Variants in MYO18B observed in about 807,000 individuals in gnomAD.
MYO18B encodes unconventional myosin-XVIIIb.
Under a neutral mutation model 273.0 loss-of-function variants are expected in MYO18B, and 204 were observed. The ratio of observed to expected loss-of-function variants is 0.75; its 90% CI spans 0.67 to 0.84. MYO18B has a LOEUF of 0.84. MYO18B is among the 40% of genes least tolerant of loss of function. The pLI is 0.00. For missense variants in MYO18B, 3,212 were observed against 3,287.6 expected (o/e 0.98, Z 0.56); for synonymous variants, 1,330 against 1,305.7 (o/e 1.02, Z -0.40).
intron 25 of MYO18B, among the ~76,000 whole-genome samples, chr22:25,887,072 G>A (rs1223945842): frequency 6.6e-6 from 1 of 152,214 alleles, no homozygotes; most frequent in East Asian, 1.9e-4. Flanking sequence ...AGAGCAAAAA[G>A]TTGCTGTTTC....
intron 38 of MYO18B, 98 bp from the exon 39 acceptor site, chr22:25,955,081 A>T: frequency 7.9e-7 from 1 of 1,270,066 alleles, no homozygotes; most frequent in South Asian, 1.6e-5. Flanking sequence ...TTATGAAAAC[A>T]CAGGAAACTC....
chr22:25,947,487 TACACACACACACACAC>T (rs57844236), intron 35 of MYO18B, among the ~76,000 whole-genome samples: 195 of 110,674 alleles, frequency 1.8e-3, no homozygotes, highest in Middle Eastern at 4.7e-3. Flanking sequence ...TAATGCCTAA[TACACACACACACACAC>T]ACACACACAC....
intron 42 of MYO18B, among the ~76,000 whole-genome samples, chr22:26,005,626 G>A (rs1285280149): frequency 6.6e-6 from 1 of 152,148 alleles, no homozygotes; most frequent in Non-Finnish European, 1.5e-5. Flanking sequence ...ATGGCCATAA[G>A]TCAGAAATTA....
intron 39 of MYO18B, among the ~76,000 whole-genome samples, chr22:25,960,633 A>G (rs2092908074): frequency 6.6e-6 from 1 of 152,184 alleles, no homozygotes; most frequent in African/African-American, 2.4e-5. Flanking sequence ...TCGCTCACAT[A>G]GCTTAATGGT....
intron 40 of MYO18B, among the ~76,000 whole-genome samples, chr22:26,000,269 C>T (rs1219939096): frequency 6.6e-6 from 1 of 152,146 alleles, no homozygotes; most frequent in Admixed American, 6.5e-5. Flanking sequence ...TTTTTTATAC[C>T]AAAGCTAACT....
rs374022936 is a variant in MYO18B at position 25,843,856 on chromosome 22, G to A, written c.3330G>A (p.Ser1110=). The part of the protein sequence containing the change: ...GWLHRAKPNL[S]ALDAPQVLHQ... ...TCCACAGAGCCAAGCCCAACCTCTC[G>A]GCCCTGGATGCACCCCAGGTCCTGC... Residue 1110 remains serine (S), a synonymous_variant, in exon 18 of 44, where the codon TCG becomes TCA. Transcript: ENST00000335473. The A allele has an allele frequency of 3.2e-5, 52 of 1,612,630 alleles. No individual in the cohort carries two copies. The African/African-American group carries it at 4.7e-4, about 14-fold the overall frequency.
chr22:25,835,890 G>T (rs527416157), intron 17 of MYO18B, among the ~76,000 whole-genome samples: 4 of 152,224 alleles, frequency 2.6e-5, no homozygotes, highest in Admixed American at 2.6e-4. Flanking sequence ...GCTGTTGCTG[G>T]TCATGCAAAG....
At chr22:25,901,744 C>T (rs2091939513) in intron 29 of MYO18B, among the ~76,000 whole-genome samples, 1 of 150,880 alleles carries the variant, frequency 6.6e-6, no homozygotes, top group South Asian at 2.1e-4. Flanking sequence ...CAAATGGGGC[C>T]TGGTAGATTT....
At chr22:25,839,254 GTGTGTGCA>G (rs1052478147) in intron 17 of MYO18B, among the ~76,000 whole-genome samples, 20 of 152,202 alleles carry the variant, frequency 1.3e-4, no homozygotes, top group African/African-American at 4.8e-4. Context: ...TTGTATATAT[GTGTGTGCA>G]TGTGTGTATA....
At chr22:25,919,711 TA>T (rs1374898949) in intron 33 of MYO18B, among the ~76,000 whole-genome samples, 7 of 149,822 alleles carry the variant, frequency 4.7e-5, no homozygotes, top group African/African-American at 1.7e-4. Context: ...TGTGTGTGTA[TA>T]ATAGAACAGC....
At chr22:26,051,370 C>T in the MYO18B span, among the ~76,000 whole-genome samples, 1 of 151,956 alleles carries the variant, frequency 6.6e-6, no homozygotes, top group South Asian at 2.1e-4. Context: ...ATTACAGGCG[C>T]CCACCACCGC....
Position 25,770,998 on chromosome 22 carries a change from C to G in MYO18B, c.1692+14C>G, listed in dbSNP as rs372660988. ...CATGTCCATCGGGTGAGTCCCCTGT[C>G]CCGCCGTCCCCCAGCATGAGTCCCC... is the stretch of plus-strand genomic sequence containing the variant. On this transcript the variant is annotated intron_variant, in intron 6 of 43. Transcript: ENST00000335473. The G allele has an allele frequency of 6.5e-7, 1 of 1,527,598 alleles. No homozygotes were observed. Among genetic ancestry groups the G allele is most frequent in the African/African-American group, 1.4e-5 (1 of 72,632 alleles). The allele number at this position is 1,527,598 out of a possible 1,614,324, so 94.6% of individuals were successfully genotyped here. A position where few individuals can be genotyped will look rare whatever the true frequency, so the allele number is the denominator to read the frequency against.
intron 27 of MYO18B, 94 bp from the exon 28 acceptor site, chr22:25,895,062 T>C: frequency 1.4e-6 from 2 of 1,439,290 alleles, no homozygotes; most frequent in Non-Finnish European, 1.9e-6. Context: ...TGAAATTGCA[T>C]GCCAAGAGCC....
chr22:25,761,775 G>T (rs2086327974), intron 2 of MYO18B, among the ~76,000 whole-genome samples: 1 of 151,978 alleles, frequency 6.6e-6, no homozygotes, highest in South Asian at 2.1e-4. Flanking sequence ...GCCCCTCCCA[G>T]CCTGATCTGG....
intron 34 of MYO18B, among the ~76,000 whole-genome samples, chr22:25,931,142 T>A (rs899633105): frequency 3.3e-5 from 5 of 152,080 alleles, no homozygotes; most frequent in Non-Finnish European, 7.3e-5. Context: ...GAGCCTTTTT[T>A]AAAACGATTA....
chr22:25,973,270 T>C (rs1318053279), intron 39 of MYO18B, among the ~76,000 whole-genome samples: 1 of 152,146 alleles, frequency 6.6e-6, no homozygotes, highest in Non-Finnish European at 1.5e-5. Flanking sequence ...GGGGTGGTGG[T>C]GGTGGCTGTG....
At chr22:25,806,196 G>A (rs955120304) in intron 12 of MYO18B, among the ~76,000 whole-genome samples, 3 of 152,216 alleles carry the variant, frequency 2.0e-5, no homozygotes, top group Non-Finnish European at 4.4e-5. Context: ...TGAGGGATGT[G>A]AAGGGGTTGT....
At chr22:26,046,522 T>C in the MYO18B span, among the ~76,000 whole-genome samples, 11 of 152,234 alleles carry the variant, frequency 7.2e-5, no homozygotes, top group Non-Finnish European at 1.5e-4. Flanking sequence ...CTTTTGACTC[T>C]ACCAGGAAAA....
At chr22:25,859,440 T>C (rs1447605157) in intron 21 of MYO18B, among the ~76,000 whole-genome samples, 1 of 152,216 alleles carries the variant, frequency 6.6e-6, no homozygotes, top group Non-Finnish European at 1.5e-5. Flanking sequence ...AATATAACTT[T>C]TAAAGAAACT....
Sources: gnomAD v4.1 joint callset for allele counts (sites outside exome capture counted in the v4.1 genomes callset) on GRCh38, gnomAD v4.1.1 for gene constraint, MANE v1.5 for transcripts, NCBI Gene and HGNC (gene_info 2026-07-23, HGNC 2026-07-21) for gene names.